SUMF1: variants seen among roughly 807,000 people sequenced by gnomAD.
SUMF1 encodes sulfatase modifying factor 1.
SUMF1 carries 48 observed loss-of-function variants against 47.6 expected under a neutral mutation model. The observed-to-expected ratio is 1.01, with a 90% CI of 0.80 to 1.28. The LOEUF is 1.28. Among genes scored for constraint, SUMF1 ranks in the 50% most tolerant of loss-of-function variants. The pLI is 0.00. For missense variants in SUMF1, 571 were observed against 485.4 expected (o/e 1.18, Z -1.66); for synonymous variants, 230 against 192.1 (o/e 1.20, Z -1.63).
intron 1 of SUMF1, among the ~76,000 whole-genome samples, chr3:4,457,073 T>TATAC (rs1401613564): frequency 8.1e-6 from 1 of 122,908 alleles, no homozygotes; most frequent in African/African-American, 2.6e-5. Flanking sequence ...TATATATATA[T>TATAC]ACGTGTGTGT....
At chr3:4,318,809 G>T (rs1241109198) in intron 8 of SUMF1, among the ~76,000 whole-genome samples, 1 of 152,152 alleles carries the variant, frequency 6.6e-6, no homozygotes, top group Non-Finnish European at 1.5e-5. Context: ...TCCTGAGGCT[G>T]AGGCAGGAGA....
intron 8 of SUMF1, among the ~76,000 whole-genome samples, chr3:4,235,956 T>A (rs1015613310): frequency 6.6e-6 from 1 of 152,036 alleles, no homozygotes; most frequent in South Asian, 2.1e-4. Flanking sequence ...TACAATAATT[T>A]TTTTGAGACA....
intron 8 of SUMF1, among the ~76,000 whole-genome samples, chr3:4,334,909 A>G (rs1231032467): frequency 6.6e-6 from 1 of 152,222 alleles, no homozygotes; most frequent in African/African-American, 2.4e-5. Flanking sequence ...AAAACAGTTT[A>G]TCTTTTTCAT....
chr3:4,198,615 G>A (rs965013746), intron 8 of SUMF1, among the ~76,000 whole-genome samples: 26 of 152,034 alleles, frequency 1.7e-4, no homozygotes, highest in Admixed American at 1.4e-3. Context: ...ACAATGGCCC[G>A]ACAAAAAGAA....
chr3:4,039,208 A>ATTTTTTTTTTTTTTTTTTTTTTTTTTTTT (rs1213784165), intron 9 of SUMF1, among the ~76,000 whole-genome samples: 1 of 46,166 alleles, frequency 2.2e-5, no homozygotes, highest in African/African-American at 7.1e-5. Flanking sequence ...CATCTATGCA[A>ATTTTTTTTTTTTTTTTTTTTTTTTTTTTT]ATTTTTTTTT....
chr3:4,297,118 G>A (rs568392676), intron 8 of SUMF1, among the ~76,000 whole-genome samples: 111 of 152,248 alleles, frequency 7.3e-4, no homozygotes, highest in African/African-American at 2.6e-3. Flanking sequence ...GAACCTAATT[G>A]TCCTAGATTG....
At chr3:4,371,238 TG>T in intron 8 of SUMF1, among the ~76,000 whole-genome samples, 1 of 152,278 alleles carries the variant, frequency 6.6e-6, no homozygotes, top group East Asian at 1.9e-4. Context: ...GGCTGAAAAA[TG>T]GGTCATTCTA....
chr3:4,133,906 T>C (rs1693853645), intron 8 of SUMF1, among the ~76,000 whole-genome samples: 1 of 152,076 alleles, frequency 6.6e-6, no homozygotes, highest in South Asian at 2.1e-4. Context: ...AGGAACAGTA[T>C]CATTAAAATT....
Position 4,366,649 on chromosome 3 carries a change from C to CG in SUMF1, c.1015-4396_1015-4395insC, listed in dbSNP as rs1699969730. ...TTTTTCAAAGTTTTTAACTTCTTTGCCTTTGGTTTGAATTTCCTCCTGTAG... is the reference window on the plus strand; with the variant it reads ...TTTTTCAAAGTTTTTAACTTCTTTGCGCTTTGGTTTGAATTTCCTCCTGTAG... On this transcript the variant is annotated intron_variant, in intron 8 of 8. Transcript: ENST00000272902. Among the ~76,000 whole-genome samples the CG allele has an allele frequency of 2.0e-5, 3 of 151,934 alleles. No homozygotes were observed. The South Asian group carries it at 6.2e-4, about 32-fold the overall frequency.
chr3:4,266,575 G>C (rs1013515261), intron 8 of SUMF1, among the ~76,000 whole-genome samples: 23 of 152,122 alleles, frequency 1.5e-4, no homozygotes, highest in Non-Finnish European at 5.9e-5. Flanking sequence ...CATTGACTTT[G>C]TATCCTGAGA....
intron 6 of SUMF1, among the ~76,000 whole-genome samples, chr3:4,412,875 C>T (rs529548530): frequency 2.6e-5 from 4 of 152,190 alleles, no homozygotes; most frequent in Non-Finnish European, 4.4e-5. Flanking sequence ...GGTGACACAG[C>T]GAGATTACGT....
intron 8 of SUMF1, among the ~76,000 whole-genome samples, chr3:4,262,694 C>T (rs966853013): frequency 6.6e-6 from 1 of 152,136 alleles, no homozygotes; most frequent in Non-Finnish European, 1.5e-5. Flanking sequence ...CAACAAAAGT[C>T]ACAGAAGTGA....
intron 8 of SUMF1, among the ~76,000 whole-genome samples, chr3:4,169,474 A>C (rs1159366784): frequency 6.6e-6 from 1 of 152,172 alleles, no homozygotes; most frequent in Non-Finnish European, 1.5e-5. Context: ...GACAAAGAAC[A>C]CCAAGGATTG....
intron 8 of SUMF1, among the ~76,000 whole-genome samples, chr3:4,293,952 T>C (rs553511135): frequency 1.4e-4 from 21 of 152,264 alleles, no homozygotes; most frequent in African/African-American, 4.3e-4. Context: ...CTTAGAAACA[T>C]AAATGGTGAG....
chr3:4,151,391 A>G (rs185075761), intron 8 of SUMF1, among the ~76,000 whole-genome samples: 3 of 83,248 alleles, frequency 3.6e-5, no homozygotes, highest in East Asian at 2.7e-4. Flanking sequence ...ATATATATGT[A>G]TATATATGTA....
chr3:4,213,149 G>A (rs553473598), intron 8 of SUMF1, among the ~76,000 whole-genome samples: 3 of 152,092 alleles, frequency 2.0e-5, no homozygotes, highest in Non-Finnish European at 4.4e-5. Context: ...AAAATGTTAA[G>A]GGCAGCCAGA....
intron 8 of SUMF1, among the ~76,000 whole-genome samples, chr3:4,169,197 T>C (rs1694776777): frequency 6.6e-6 from 1 of 152,210 alleles, no homozygotes; most frequent in South Asian, 2.1e-4. Context: ...ACAGCTGCTA[T>C]TAAACTTCAG....
At chr3:4,401,523 G>C (rs1701211894) in intron 7 of SUMF1, among the ~76,000 whole-genome samples, 1 of 152,138 alleles carries the variant, frequency 6.6e-6, no homozygotes, top group Non-Finnish European at 1.5e-5. Flanking sequence ...CCCAAGGGCA[G>C]TTCCCCGGAT....
At chr3:4,262,965 G>A (rs1372935731) in intron 8 of SUMF1, among the ~76,000 whole-genome samples, 2 of 152,210 alleles carry the variant, frequency 1.3e-5, no homozygotes, top group Non-Finnish European at 2.9e-5. Flanking sequence ...CAGAATGATG[G>A]CACTAGCTCT....
Sources: gnomAD v4.1 joint callset for allele counts (sites outside exome capture counted in the v4.1 genomes callset) on GRCh38, gnomAD v4.1.1 for gene constraint, MANE v1.5 for transcripts, NCBI Gene and HGNC (gene_info 2026-07-23, HGNC 2026-07-21) for gene names.